CDH6: variants seen among roughly 807,000 people sequenced by gnomAD.
The protein encoded by CDH6 is cadherin-6.
A neutral mutation model predicts 78.0 loss-of-function variants in CDH6; 31 were observed. That is an observed-to-expected ratio of 0.40 (90% CI 0.30 to 0.54). CDH6 has a LOEUF of 0.54. CDH6 is among the 20% of genes least tolerant of loss of function. The pLI is 0.56. For missense variants in CDH6, 724 were observed against 975.9 expected (o/e 0.74, Z 3.44); for synonymous variants, 376 against 368.8 (o/e 1.02, Z -0.23).
chr5:31,195,734 A>G (rs937886595), intron 1 of CDH6, among the ~76,000 whole-genome samples: 13 of 152,228 alleles, frequency 8.5e-5, no homozygotes, highest in Admixed American at 5.9e-4. Flanking sequence ...GGAAAATGCA[A>G]TCACATAGGG....
chr5:31,305,335 CT>C lies in CDH6; in HGVS notation c.1162del (p.Tyr388ThrfsTer5). 6.2e-7 allele frequency: 1 copy of C among 1,614,078 alleles called. No homozygotes were observed. Among genetic ancestry groups the C allele is most frequent in the South Asian group, 1.1e-5 (1 of 91,078 alleles). ...AGCCACCTGTCTTCAGCAAACTGGC[CT>C]ACATCTTACAAATAAGAGAAGATGC... is the stretch of plus-strand genomic sequence containing the variant. ...DEPPVFSKLAYILQIREDAQI... is the reference protein window; with the variant it reads ...DEPPVFSKLAXILQIREDAQI... On this transcript the variant is annotated frameshift_variant, in exon 7 of 12. Coordinates refer to ENST00000265071, the MANE Select transcript of CDH6 (RefSeq NM_004932.4). LOFTEE classifies it high-confidence loss of function.
chr5:31,302,621 G>A (rs532760004), intron 6 of CDH6, among the ~76,000 whole-genome samples: 2 of 149,762 alleles, frequency 1.3e-5, no homozygotes, highest in East Asian at 3.9e-4. Context: ...ACTGAGGCAA[G>A]AGGATCGCTT....
chr5:31,276,324 A>T (rs1273679674), intron 2 of CDH6, among the ~76,000 whole-genome samples: 4 of 152,228 alleles, frequency 2.6e-5, no homozygotes, highest in Non-Finnish European at 5.9e-5. Context: ...ACCTGGAATA[A>T]GAAGCAAAGA....
At chr5:31,219,204 G>A (rs1459058548) in intron 1 of CDH6, among the ~76,000 whole-genome samples, 1 of 152,082 alleles carries the variant, frequency 6.6e-6, no homozygotes, top group Non-Finnish European at 1.5e-5. Context: ...GTGTCTCCAG[G>A]TTACCTGTGT....
chr5:31,282,755 G>A (rs933685994), intron 2 of CDH6, among the ~76,000 whole-genome samples: 1 of 152,156 alleles, frequency 6.6e-6, no homozygotes, highest in Non-Finnish European at 1.5e-5. Context: ...AAAAATAATT[G>A]TCAAGGGAAT....
intron 1 of CDH6, among the ~76,000 whole-genome samples, chr5:31,258,737 C>G (rs75928891): frequency 0.13 from 20,115 of 152,132 alleles, 1,648 homozygotes; most frequent in South Asian, 0.22. Context: ...CATTTGTTTG[C>G]TGCTCTTAGT....
chr5:31,208,510 A>G (rs1740603024), intron 1 of CDH6, among the ~76,000 whole-genome samples: 1 of 152,198 alleles, frequency 6.6e-6, no homozygotes, highest in Non-Finnish European at 1.5e-5. Flanking sequence ...GGATCTCCTA[A>G]CAGGATAATT....
At chr5:31,236,209 T>C (rs547016455) in intron 1 of CDH6, among the ~76,000 whole-genome samples, 150 of 152,346 alleles carry the variant, frequency 9.8e-4, no homozygotes, top group Middle Eastern at 6.8e-3. Flanking sequence ...TTAAGTAGTT[T>C]TGTTAATCAC....
chr5:31,247,805 T>C (rs1168138759), intron 1 of CDH6, among the ~76,000 whole-genome samples: 5 of 152,212 alleles, frequency 3.3e-5, no homozygotes, highest in Admixed American at 3.3e-4. Flanking sequence ...CGCTGCCTTG[T>C]TCTTAGCAGT....
chr5:31,222,067 T>G (rs1267233723), intron 1 of CDH6, among the ~76,000 whole-genome samples: 1 of 152,172 alleles, frequency 6.6e-6, no homozygotes, highest in East Asian at 1.9e-4. Context: ...AAAATACCTT[T>G]TTCTATTGTA....
chr5:31,317,621 A>T lies in CDH6; in HGVS notation c.1631-52A>T. ...TATCTTTTCTTATCACAGTTGATTTAATACATGACGCAGTATCCACATACA... is the reference window on the plus strand; with the variant it reads ...TATCTTTTCTTATCACAGTTGATTTTATACATGACGCAGTATCCACATACA... On this transcript the variant is annotated intron_variant, in intron 10 of 11. Coordinates refer to ENST00000265071, the MANE Select transcript of CDH6 (RefSeq NM_004932.4). 2.5e-6 allele frequency: 4 copies of T among 1,581,242 alleles called. No individual in the cohort carries two copies. In the East Asian group the frequency reaches 9.0e-5, roughly 36 times the overall value.
At chr5:31,273,325 C>G (rs1742585310) in intron 2 of CDH6, among the ~76,000 whole-genome samples, 1 of 152,176 alleles carries the variant, frequency 6.6e-6, no homozygotes, top group Admixed American at 6.5e-5. Context: ...GTCTCTGAAC[C>G]ACTTGTTGCT....
intron 7 of CDH6, among the ~76,000 whole-genome samples, chr5:31,310,972 T>C (rs1738133836): frequency 6.6e-6 from 1 of 152,242 alleles, no homozygotes; most frequent in South Asian, 2.1e-4. Context: ...TGGAGACATT[T>C]TCCCCCTTGT....
intron 6 of CDH6, among the ~76,000 whole-genome samples, chr5:31,302,800 GAAAGAA>G (rs1262956271): frequency 6.7e-5 from 4 of 59,752 alleles, no homozygotes; most frequent in Non-Finnish European, 1.3e-4. Flanking sequence ...GAGAGAGAGA[GAAAGAA>G]AGAAAGAAAG....
chr5:31,324,008 C>T lies in CDH6; in HGVS notation c.*700C>T, dbSNP rs549387647. The T allele has an allele frequency of 4.8e-4, 92 of 193,502 alleles. No individual in the cohort carries two copies. The highest frequency in any genetic ancestry group is 1.9e-3 in the African/African-American group (83 of 43,986). The allele number at this position is 193,502 out of a possible 1,614,324, so 12.0% of individuals were successfully genotyped here. ...TTTGTTATATCCTAGACTAGACATGCGAAAGTTTGCCTTTGTACCATATAA... is the reference window on the plus strand; with the variant it reads ...TTTGTTATATCCTAGACTAGACATGTGAAAGTTTGCCTTTGTACCATATAA... On this transcript the variant is annotated 3_prime_UTR_variant, in exon 12 of 12. Coordinates refer to ENST00000265071, the MANE Select transcript of CDH6 (RefSeq NM_004932.4).
At chr5:31,236,516 C>T (rs1375614052) in intron 1 of CDH6, among the ~76,000 whole-genome samples, 1 of 152,182 alleles carries the variant, frequency 6.6e-6, no homozygotes, top group Non-Finnish European at 1.5e-5. Context: ...TTCCCAGGCC[C>T]TGCCTCGTGG....
chr5:31,233,514 C>CA (rs762640872), intron 1 of CDH6, among the ~76,000 whole-genome samples: 3 of 7,514 alleles, frequency 4.0e-4, no homozygotes, highest in East Asian at 2.4e-3. Flanking sequence ...GACTCTGTCT[C>CA]AAAAAAAAAA....
At chr5:31,207,744 A>AT (rs1740572255) in intron 1 of CDH6, among the ~76,000 whole-genome samples, 1 of 152,246 alleles carries the variant, frequency 6.6e-6, no homozygotes, top group Admixed American at 6.5e-5. Flanking sequence ...ACCTCTCTAC[A>AT]TTTTTTGTGT....
At chr5:31,199,683 G>A (rs866879920) in intron 1 of CDH6, among the ~76,000 whole-genome samples, 29 of 59,674 alleles carry the variant, frequency 4.9e-4, no homozygotes, top group South Asian at 2.0e-3. Flanking sequence ...GTGTGTGTGT[G>A]TGTATATATA....
Sources: gnomAD v4.1 joint callset for allele counts (sites outside exome capture counted in the v4.1 genomes callset) on GRCh38, gnomAD v4.1.1 for gene constraint, MANE v1.5 for transcripts, NCBI Gene and HGNC (gene_info 2026-07-23, HGNC 2026-07-21) for gene names.